MYCBP2: variants seen among roughly 807,000 people sequenced by gnomAD.
MYCBP2 encodes the protein MYC binding protein 2, also known as E3 ubiquitin-protein ligase MYCBP2.
Under a neutral mutation model 525.3 loss-of-function variants are expected in MYCBP2, and 120 were observed. The ratio of observed to expected loss-of-function variants is 0.23; its 90% confidence interval spans 0.20 to 0.27. The LOEUF is 0.27. Ranked by LOEUF, MYCBP2 falls within the 10% of genes least tolerant of loss-of-function variation. The pLI is 1.00. For missense variants in MYCBP2, 4,149 were observed against 5,657.1 expected, an observed-to-expected ratio of 0.73 and a Z score of 8.55; for synonymous variants, 1,894 against 1,955.8, an observed-to-expected ratio of 0.97 and a Z score of 0.83.
At chr13:77,264,304 A>T (rs1010452097) in intron 8 of MYCBP2, among the ~76,000 whole-genome samples, 1 of 151,760 alleles carries the variant, frequency 6.6e-6, no homozygotes, top group Non-Finnish European at 1.5e-5. Flanking sequence ...TGAACAAACT[A>T]TAATGTTGGT....
At chr13:77,278,384 A>G (rs1174570439) in intron 4 of MYCBP2, among the ~76,000 whole-genome samples, 1 of 152,230 alleles carries the variant, frequency 6.6e-6, no homozygotes, top group Non-Finnish European at 1.5e-5. Context: ...TGTGTGCACG[A>G]ACTTCAACTC....
chr13:77,126,280 G>A, intron 53 of MYCBP2, 38 bp downstream of exon 53: 3 of 1,544,674 alleles, frequency 1.9e-6, no homozygotes, highest in Non-Finnish European at 2.7e-6. Flanking sequence ...CATTAAAAAT[G>A]AGTATCTTAG....
intron 5 of MYCBP2, 45 bp downstream of exon 5, chr13:77,273,427 A>ACTTGTCAT: frequency 2.7e-6 from 4 of 1,488,404 alleles, no homozygotes; most frequent in Non-Finnish European, 3.6e-6. Context: ...CGAAACTGTA[A>ACTTGTCAT]CTTGTCATCT....
intron 1 of MYCBP2, among the ~76,000 whole-genome samples, chr13:77,308,129 A>T (rs1303890350): frequency 6.6e-6 from 1 of 152,218 alleles, no homozygotes; most frequent in Non-Finnish European, 1.5e-5. Flanking sequence ...ATCAAGGTAC[A>T]TCTACCATAA....
intron 57 of MYCBP2, among the ~76,000 whole-genome samples, chr13:77,095,927 A>G (rs2046180911): frequency 6.6e-6 from 1 of 152,074 alleles, no homozygotes; most frequent in Admixed American, 6.6e-5. Flanking sequence ...AGGTGCCACT[A>G]GAGTGAATAA....
At chr13:77,234,167 A>G (rs529016260) in intron 17 of MYCBP2, among the ~76,000 whole-genome samples, 6 of 151,996 alleles carry the variant, frequency 3.9e-5, no homozygotes, top group African/African-American at 9.7e-5. Flanking sequence ...AATTTTAGTT[A>G]CAACTTAAAA....
intron 47 of MYCBP2, among the ~76,000 whole-genome samples, chr13:77,148,335 T>C (rs2055939077): frequency 6.6e-6 from 1 of 152,042 alleles, no homozygotes. Context: ...CCCTGATTTC[T>C]TTAACCTCAA....
intron 55 of MYCBP2, among the ~76,000 whole-genome samples, chr13:77,108,332 A>G (rs2048181338): frequency 6.6e-6 from 1 of 152,220 alleles, no homozygotes; most frequent in Admixed American, 6.5e-5. Flanking sequence ...AAAGCGTATC[A>G]TTTCAGGGTT....
rs997903502 is a variant in MYCBP2, at chr13:77,181,907, T to C, written c.4735A>G (p.Asn1579Asp). ...NCLDQDIQEA[N>D]FKTSSSRLLA... is the part of the protein sequence containing the mutation. ...AGTCGGCTACTTGATGTCTTGAAGT[T>C]TGCTTCTTGGATATCCTTTTAAAAA... The change falls in exon 33 of 83, where the codon AAC becomes GAC. Residue 1579 changes from asparagine (N) to aspartate (D), a missense_variant. This residue lies in a region of MYCBP2 where 292 missense variants were observed against 330.5 expected (regional missense o/e 0.88). Transcript: ENST00000544440. The C allele has an allele frequency of 3.1e-6, 5 of 1,613,484 alleles. No individual in the cohort carries two copies. The highest frequency in any genetic ancestry group is 1.7e-6 in the Non-Finnish European group (2 of 1,179,956).
intron 52 of MYCBP2, among the ~76,000 whole-genome samples, chr13:77,132,040 A>T (rs2052964470): frequency 1.3e-5 from 2 of 152,202 alleles, no homozygotes; most frequent in Non-Finnish European, 2.9e-5. Context: ...AAAATTAAGA[A>T]TAGCGTATAT....
intron 39 of MYCBP2, 80 bp downstream of exon 39, chr13:77,169,534 T>C (rs1378971118): frequency 7.9e-7 from 1 of 1,272,118 alleles, no homozygotes. Context: ...TGCAAGTTTT[T>C]GTAAAGACAA....
At chr13:77,089,060 T>A (rs1333637387) in intron 60 of MYCBP2, 29 bp from the exon 61 acceptor site, 2 of 1,527,282 alleles carry the variant, frequency 1.3e-6, no homozygotes, top group Non-Finnish European at 1.8e-6. Context: ...ATTATTAATT[T>A]TCATAGGCAG....
rs142887854 is a variant in MYCBP2 at position 77,181,815 on chromosome 13, C to T, written c.4827G>A (p.Ala1609=). 2.5e-4 allele frequency: 403 copies of T among 1,614,028 alleles called. 2 individuals carry two copies. In the African/African-American group the frequency reaches 4.4e-3, roughly 17 times the overall value. ...SVKLTSIFPI[A]YDGEVLLRSI... Reference sequence around the variant, plus strand: ...ATCGTAGTAATACTTCTCCATCATACGCAATCGGGAAGATGGAAGTCAGCT... The same window carrying T: ...ATCGTAGTAATACTTCTCCATCATATGCAATCGGGAAGATGGAAGTCAGCT... Residue 1609 remains alanine (A), a synonymous_variant, in exon 33 of 83, where the codon GCG becomes GCA. Transcript: ENST00000544440.
intron 32 of MYCBP2, among the ~76,000 whole-genome samples, 160 bp downstream of exon 32, chr13:77,184,943 A>T (rs994983843): frequency 3.3e-5 from 5 of 152,248 alleles, no homozygotes; most frequent in African/African-American, 4.8e-5. Context: ...AGCAGATTTA[A>T]AAAATTTTAA....
chr13:77,289,775 C>T (rs2077285623), intron 2 of MYCBP2, among the ~76,000 whole-genome samples: 1 of 151,912 alleles, frequency 6.6e-6, no homozygotes, highest in African/African-American at 2.4e-5. Flanking sequence ...TGTAAAAAAA[C>T]ATGTAGAGAA....
intron 23 of MYCBP2, among the ~76,000 whole-genome samples, chr13:77,208,873 G>A (rs1021603050): frequency 6.6e-6 from 1 of 152,060 alleles, no homozygotes; most frequent in Non-Finnish European, 1.5e-5. Flanking sequence ...ACATTTATCT[G>A]CTCTTTATAG....
chr13:77,187,817 C>A (rs529608572), intron 30 of MYCBP2, among the ~76,000 whole-genome samples: 4 of 151,710 alleles, frequency 2.6e-5, no homozygotes. Context: ...GAGGCCGAGG[C>A]GGGTGGGTCA....
chr13:77,251,503 T>C, intron 14 of MYCBP2, 148 bp from the exon 15 acceptor site: 1 of 679,548 alleles, frequency 1.5e-6, no homozygotes, highest in Non-Finnish European at 2.5e-6. Context: ...CAAAAATAAA[T>C]TTTAATTTAG....
Position 77,087,611 on chromosome 13 carries a change from T to C in MYCBP2, c.10748A>G (p.Asn3583Ser), listed in dbSNP as rs188528989. 5.3e-5 allele frequency: 85 copies of C among 1,612,588 alleles called. No individual in the cohort carries two copies. The African/African-American group carries it at 9.1e-4, about 17-fold the overall frequency. The change falls in exon 62 of 83, where the codon AAT becomes AGT. Residue 3583 changes from asparagine to serine, a missense_variant. Asn to Ser is a conservative substitution (Grantham distance 46, BLOSUM62 1). Coordinates refer to ENST00000544440, the MANE Select transcript of MYCBP2 (RefSeq NM_015057.5). ...AMEAFNWLLC[N>S]VIQTTSLHDI... ...ATGGAGAGAAGTGGTTTGGATGACA[T>C]TACACAGAAGCCAGTTGAAAGCCTG...
Sources: allele counts gnomAD v4.1 joint callset (sites outside exome capture counted in the v4.1 genomes callset), GRCh38; gene constraint gnomAD v4.1.1; regional missense constraint gnomAD v4.1.1; transcripts MANE v1.5; gene names NCBI Gene and HGNC (gene_info 2026-07-23, HGNC 2026-07-21).